ACP3: variants seen among roughly 807,000 people sequenced by gnomAD.
The protein encoded by ACP3 is acid phosphatase 3.
Under a neutral mutation model 45.6 loss-of-function variants are expected in ACP3, and 38 were observed. The observed-to-expected ratio is 0.83, with a 90% CI of 0.64 to 1.09. The LOEUF is 1.09. ACP3 is among the 50% of genes least tolerant of loss of function. The probability of loss-of-function intolerance (pLI) is 0.00; values close to 1 mark genes in which losing one functional copy is unlikely to be tolerated. For missense variants in ACP3, 466 were observed against 463.2 expected, an observed-to-expected ratio of 1.01 and a Z score of -0.05; for synonymous variants, 162 against 164.7, an observed-to-expected ratio of 0.98 and a Z score of 0.13.
chr3:132,322,808 A>G (rs929296251), intron 1 of ACP3, among the ~76,000 whole-genome samples: 1 of 152,260 alleles, frequency 6.6e-6, no homozygotes, highest in Non-Finnish European at 1.5e-5. Flanking sequence ...GGGGCCTTTA[A>G]GAGGTGATTG....
intron 2 of ACP3, among the ~76,000 whole-genome samples, chr3:132,330,178 C>T (rs944906548): frequency 5.3e-5 from 8 of 152,032 alleles, no homozygotes; most frequent in African/African-American, 1.7e-4. Flanking sequence ...CCTTGGCCTC[C>T]CAAAGTGCTA....
chr3:132,331,841 A>T, intron 3 of ACP3, 108 bp downstream of exon 3: 1 of 1,016,556 alleles, frequency 9.8e-7, no homozygotes, highest in Non-Finnish European at 1.4e-6. Context: ...TACAAGTCAG[A>T]GGTCTTGTTT....
At chr3:132,349,869 A>G in intron 7 of ACP3, 51 bp from the exon 8 acceptor site, 1 of 1,338,888 alleles carries the variant, frequency 7.5e-7, no homozygotes, top group Non-Finnish European at 1.1e-6. Flanking sequence ...AATGAACTAA[A>G]ATAGAAGCTT....
intron 5 of ACP3, among the ~76,000 whole-genome samples, chr3:132,338,803 T>A (rs1047148985): frequency 6.6e-6 from 1 of 152,258 alleles, no homozygotes; most frequent in African/African-American, 2.4e-5. Context: ...CTTTTCTTCT[T>A]GTGATGAGTG....
intron 5 of ACP3, among the ~76,000 whole-genome samples, chr3:132,340,336 A>C (rs1937539610): frequency 6.6e-6 from 1 of 151,382 alleles, no homozygotes; most frequent in Non-Finnish European, 1.5e-5. Context: ...AAAAAAGACC[A>C]AATATATATT....
downstream of ACP3, among the ~76,000 whole-genome samples, chr3:132,360,264 C>T (rs184477411): frequency 2.2e-4 from 32 of 146,458 alleles, no homozygotes; most frequent in East Asian, 1.6e-3. Context: ...TACAGGATGC[C>T]GAGATAAATT....
exon 11 of ACP3, chr3:132,367,970 G>A (rs775386087): frequency 3.1e-5 from 20 of 653,100 alleles, no homozygotes; most frequent in Non-Finnish European, 5.4e-5. Flanking sequence ...TGAACTCACA[G>A]TGACCCACAG....
Position 132,317,477 on chromosome 3 carries a change from C to G in ACP3, c.21C>G (p.Leu7=). The G allele has an allele frequency of 2.5e-6, 4 of 1,613,520 alleles. No homozygotes were observed. The highest frequency in any genetic ancestry group is 3.4e-6 in the Non-Finnish European group (4 of 1,179,726). Reference sequence around the variant, plus strand: ...TCAACATGAGAGCTGCACCCCTCCTCCTGGCCAGGGCAGCAAGCCTTAGCC... The same window carrying G: ...TCAACATGAGAGCTGCACCCCTCCTGCTGGCCAGGGCAGCAAGCCTTAGCC... MRAAPL[L]LARAASLSLG... is the part of the protein sequence containing the mutation. Residue 7 remains leucine, a synonymous_variant, in exon 1 of 10, where the codon CTC becomes CTG. Coordinates refer to ENST00000336375, the MANE Select transcript of ACP3 (RefSeq NM_001099.5).
At chr3:132,338,770 C>G (rs1351761069) in intron 5 of ACP3, among the ~76,000 whole-genome samples, 1 of 151,644 alleles carries the variant, frequency 6.6e-6, no homozygotes, top group Non-Finnish European at 1.5e-5. Context: ...ATTATAACTA[C>G]TGTACAACAT....
In ACP3 at chr3:132,332,191, G is replaced by A. The variant is rs1937410744; in HGVS notation, c.304-1G>A. 1 of 1,614,028 alleles carries A rather than the reference G, an allele frequency of 6.2e-7. No homozygotes were observed. Among genetic ancestry groups the A allele is most frequent in the East Asian group, 2.2e-5 (1 of 44,868 alleles). On this transcript the variant is annotated splice_acceptor_variant, in intron 3 of 9. Transcript: ENST00000336375. LOFTEE classifies it high-confidence loss of function. ...CTTCTGCTTTGATTTTCCTACTCTA[G>A]GTTTATATTCGAAGCACAGACGTTG...
At chr3:132,328,212 G>T in intron 1 of ACP3, 55 bp from the exon 2 acceptor site, 1 of 1,432,574 alleles carries the variant, frequency 7.0e-7, no homozygotes, top group Non-Finnish European at 9.7e-7. Flanking sequence ...ATAATGAGCA[G>T]AAGCAAAACA....
chr3:132,349,523 T>C lies in ACP3; in HGVS notation c.782-397T>C, dbSNP rs181228454. On this transcript the variant is annotated intron_variant, in intron 7 of 9. Transcript: ENST00000336375. ...TTCAGGTCTGCTCTGGAGAAGAACATGGGCTAAGAATTATCTTTTATGATC... is the reference window on the plus strand; with the variant it reads ...TTCAGGTCTGCTCTGGAGAAGAACACGGGCTAAGAATTATCTTTTATGATC... 2.0e-5 allele frequency among the ~76,000 whole-genome samples: 3 copies of C among 152,282 alleles called. No individual in the cohort carries two copies. In the East Asian group the frequency reaches 5.8e-4, roughly 29 times the overall value.
intron 1 of ACP3, among the ~76,000 whole-genome samples, chr3:132,319,045 T>G (rs1576404277): frequency 6.6e-6 from 1 of 152,202 alleles, no homozygotes; most frequent in Non-Finnish European, 1.5e-5. Flanking sequence ...AAAGCCAAAA[T>G]ACAAAGCTAG....
intron 7 of ACP3, among the ~76,000 whole-genome samples, chr3:132,347,518 C>T (rs543549352): frequency 6.6e-6 from 1 of 152,084 alleles, no homozygotes; most frequent in Non-Finnish European, 1.5e-5. Flanking sequence ...CTCATTCTGT[C>T]CTCCAGGCTG....
At chr3:132,337,425 A>G (rs756035229) in intron 4 of ACP3, 31 bp from the exon 5 acceptor site, 2 of 1,442,816 alleles carry the variant, frequency 1.4e-6, no homozygotes, top group South Asian at 2.4e-5. Context: ...TCTGACTCAT[A>G]ACAGTTTTAT....
At chr3:132,361,268 A>G (rs1234356051), downstream of ACP3, among the ~76,000 whole-genome samples, 1 of 152,222 alleles carries the variant, frequency 6.6e-6, no homozygotes, top group African/African-American at 2.4e-5. Context: ...AGATGAGGCC[A>G]TCTGATTAAA....
At chr3:132,349,145 C>T (rs185205466) in intron 7 of ACP3, among the ~76,000 whole-genome samples, 1 of 152,220 alleles carries the variant, frequency 6.6e-6, no homozygotes, top group East Asian at 1.9e-4. Context: ...TGTTTTGGCA[C>T]CACAAGGTAC....
rs537586387 is a variant in ACP3, at chr3:132,352,873, CATT to C, written c.968+60_968+62del. 12 of 1,336,040 alleles carry C rather than the reference CATT, an allele frequency of 9.0e-6. No individual in the cohort carries two copies. In the South Asian group the frequency reaches 1.2e-4, roughly 13 times the overall value. The allele number at this position is 1,336,040 out of a possible 1,614,324, so 82.8% of individuals were successfully genotyped here. A position where few individuals can be genotyped will look rare whatever the true frequency, so the allele number is the denominator to read the frequency against. The stretch of plus-strand genomic sequence containing the variant: ...ATCAGTATCACTGGACCTTGGGTTT[CATT>C]ATTATTATTTTGGGTTAAGGGTTGT... On this transcript the variant is annotated intron_variant, in intron 9 of 9. Transcript: ENST00000336375.
At chr3:132,350,030 A>G (rs1289484479) in intron 8 of ACP3, 28 bp downstream of exon 8, 3 of 1,477,802 alleles carry the variant, frequency 2.0e-6, no homozygotes, top group Non-Finnish European at 1.9e-6. Flanking sequence ...CATTTAACAT[A>G]TGTTTGTTCA....
Sources: gnomAD v4.1 joint callset for allele counts (sites outside exome capture counted in the v4.1 genomes callset) on GRCh38, gnomAD v4.1.1 for gene constraint, MANE v1.5 for transcripts, NCBI Gene and HGNC (gene_info 2026-07-23, HGNC 2026-07-21) for gene names.